AFF3: variants seen among roughly 807,000 people sequenced by gnomAD.
AFF3 encodes the protein ALF transcription elongation factor 3.
A neutral mutation model predicts 129.7 loss-of-function variants in AFF3; 32 were observed. That is an observed-to-expected ratio of 0.25 (90% CI 0.19 to 0.33). The LOEUF is 0.33. Among genes scored for constraint, AFF3 ranks in the 10% least tolerant of loss-of-function variants. The pLI, the probability that AFF3 is intolerant of heterozygous loss-of-function variation, is 1.00. For synonymous variants in AFF3, 644 were observed against 635.4 expected (o/e 1.01, Z -0.20); for missense variants, 1,373 against 1,592.0 (o/e 0.86, Z 2.34).
chr2:99,551,669 A>G, intron 24 of AFF3, 74 bp from the exon 25 acceptor site: 2 of 1,573,060 alleles, frequency 1.3e-6, no homozygotes, highest in Non-Finnish European at 1.7e-6. Context: ...GATGTAAGGA[A>G]AAATTCCATT....
At chr2:99,709,747 T>C (rs1453897207) in intron 11 of AFF3, among the ~76,000 whole-genome samples, 1 of 152,198 alleles carries the variant, frequency 6.6e-6, no homozygotes, top group Admixed American at 6.5e-5. Flanking sequence ...CTACTTATTA[T>C]TCTATTTACT....
At chr2:100,084,683 G>T (rs1055532838) in intron 4 of AFF3, among the ~76,000 whole-genome samples, 21 of 151,888 alleles carry the variant, frequency 1.4e-4, no homozygotes, top group Non-Finnish European at 2.4e-4. Flanking sequence ...TTAAATCATA[G>T]AGTTAAATTT....
At chr2:99,879,507 C>A (rs992817807) in intron 7 of AFF3, among the ~76,000 whole-genome samples, 1 of 152,184 alleles carries the variant, frequency 6.6e-6, no homozygotes, top group African/African-American at 2.4e-5. Flanking sequence ...GTACAGCAAG[C>A]AACCTTTGTA....
rs1460963714 is a variant in AFF3 at position 99,653,879 on chromosome 2, C to CT, written c.1144-4214dup. On this transcript the variant is annotated intron_variant, in intron 12 of 24. Coordinates refer to ENST00000672756, the MANE Select transcript of AFF3 (RefSeq NM_001386135.1). ...ATCAATTGCCTGCACTGCTTTTTTT[C>CT]TTTTTTTTTTTTTTTTTGAGATGTT... Among the ~76,000 whole-genome samples the CT allele has an allele frequency of 5.4e-3, 173 of 31,790 alleles. 1 individual carries two copies. Among genetic ancestry groups the CT allele is most frequent in the Non-Finnish European group, 8.5e-3 (147 of 17,300 alleles). 20.9% of individuals were successfully genotyped at this position (31,790 alleles called of 152,430 possible). A position where few individuals can be genotyped will look rare whatever the true frequency, so the allele number is the denominator to read the frequency against.
chr2:99,678,173 C>G (rs1175033514), intron 11 of AFF3, among the ~76,000 whole-genome samples: 4 of 152,298 alleles, frequency 2.6e-5, no homozygotes, highest in Non-Finnish European at 2.9e-5. Context: ...TTTGCAGAAC[C>G]CAACTGTGTC....
chr2:99,616,786 A>G (rs535418703), intron 13 of AFF3, among the ~76,000 whole-genome samples: 1 of 152,248 alleles, frequency 6.6e-6, no homozygotes, highest in Admixed American at 6.5e-5. Flanking sequence ...GTACATCAGC[A>G]GTCAATTCCC....
At chr2:99,576,152 C>A (rs1676968132) in intron 18 of AFF3, among the ~76,000 whole-genome samples, 1 of 151,776 alleles carries the variant, frequency 6.6e-6, no homozygotes, top group Non-Finnish European at 1.5e-5. Flanking sequence ...TCTGCCTCAG[C>A]CTCCGGAGTA....
In AFF3 at chr2:99,724,423, C is replaced by T. The variant is rs1242474441; in HGVS notation, c.1091+2654G>A. Among the ~76,000 whole-genome samples the T allele has an allele frequency of 2.0e-5, 3 of 151,976 alleles. No homozygotes were observed. In the South Asian group the frequency reaches 6.2e-4, roughly 32 times the overall value. On this transcript the variant is annotated intron_variant, in intron 11 of 24. Transcript: ENST00000672756. ...CAGTAGCTGGGATTACAGGCGCATG[C>T]CACCACACTCAGCTAATTTTTGTGT...
chr2:99,782,166 A>G (rs1226765008), intron 8 of AFF3, among the ~76,000 whole-genome samples: 1 of 152,218 alleles, frequency 6.6e-6, no homozygotes, highest in Non-Finnish European at 1.5e-5. Context: ...GCATGAAGAC[A>G]GTTTTCTTTT....
At chr2:99,703,466 A>G (rs576321345) in intron 11 of AFF3, among the ~76,000 whole-genome samples, 2 of 152,270 alleles carry the variant, frequency 1.3e-5, no homozygotes, top group South Asian at 4.1e-4. Flanking sequence ...ATTTTATTTT[A>G]GCCTATGAAT....
chr2:99,823,183 C>CT (rs1687816628), intron 8 of AFF3, among the ~76,000 whole-genome samples: 2 of 152,112 alleles, frequency 1.3e-5, no homozygotes, highest in Non-Finnish European at 2.9e-5. Context: ...GGAAGTTGAT[C>CT]TTTTTTTAAT....
intron 13 of AFF3, among the ~76,000 whole-genome samples, chr2:99,602,513 T>A (rs947663795): frequency 6.6e-6 from 1 of 152,138 alleles, no homozygotes; most frequent in Non-Finnish European, 1.5e-5. Flanking sequence ...ACCCAGAAAG[T>A]GTTTGAGCAG....
At chr2:100,062,062 TG>T (rs1687335319) in intron 4 of AFF3, among the ~76,000 whole-genome samples, 1 of 152,190 alleles carries the variant, frequency 6.6e-6, no homozygotes, top group Non-Finnish European at 1.5e-5. Context: ...CACCTTAATT[TG>T]GGAAGCCAGA....
intron 11 of AFF3, among the ~76,000 whole-genome samples, chr2:99,695,954 AAAAAAACCAAAAG>A (rs1676206398): frequency 7.4e-6 from 1 of 135,134 alleles, no homozygotes; most frequent in Non-Finnish European, 1.5e-5. Flanking sequence ...AAAAAAAAAA[AAAAAAACCAAAAG>A]AAAAAACCAA....
intron 7 of AFF3, among the ~76,000 whole-genome samples, chr2:99,938,367 G>C (rs530765459): frequency 1.3e-5 from 2 of 152,120 alleles, no homozygotes; most frequent in African/African-American, 4.8e-5. Flanking sequence ...TACCTGACAT[G>C]GTTGTGGTAA....
chr2:100,139,272 A>G (rs1692765600), intron 1 of AFF3, among the ~76,000 whole-genome samples: 3 of 152,126 alleles, frequency 2.0e-5, no homozygotes, highest in Non-Finnish European at 4.4e-5. Flanking sequence ...AGCTGCCACA[A>G]AGCATTTTAC....
intron 7 of AFF3, among the ~76,000 whole-genome samples, chr2:99,903,436 T>C (rs1303461414): frequency 6.6e-6 from 1 of 152,170 alleles, no homozygotes; most frequent in Non-Finnish European, 1.5e-5. Flanking sequence ...GGTATGTATC[T>C]TGCATTTAAG....
intron 7 of AFF3, among the ~76,000 whole-genome samples, chr2:99,922,283 A>G (rs943679948): frequency 7.9e-5 from 12 of 152,202 alleles, no homozygotes; most frequent in Admixed American, 7.2e-4. Context: ...CAATATCCAC[A>G]TTCATTTTAT....
At chr2:99,598,978 A>T (rs1205693806) in intron 14 of AFF3, among the ~76,000 whole-genome samples, 1 of 152,254 alleles carries the variant, frequency 6.6e-6, no homozygotes, top group Admixed American at 6.5e-5. Flanking sequence ...GAAAGAACGA[A>T]CGTGCAGCCT....
Sources: allele counts gnomAD v4.1 joint callset (sites outside exome capture counted in the v4.1 genomes callset), GRCh38; gene constraint gnomAD v4.1.1; transcripts MANE v1.5; gene names NCBI Gene and HGNC (gene_info 2026-07-23, HGNC 2026-07-21).